BCL7B: variants seen among roughly 807,000 people sequenced by gnomAD.
The protein encoded by BCL7B is BAF chromatin remodeling complex subunit BCL7B.
A neutral mutation model predicts 26.5 loss-of-function variants in BCL7B; 11 were observed. The observed-to-expected ratio is 0.42, with a 90% CI of 0.26 to 0.69. The LOEUF is 0.69. Ranked by LOEUF, BCL7B falls within the 30% of genes least tolerant of loss-of-function variation. BCL7B has a pLI of 0.28. For missense variants in BCL7B, 215 were observed against 264.4 expected, an observed-to-expected ratio of 0.81 and a Z score of 1.30; for synonymous variants, 111 against 107.9, an observed-to-expected ratio of 1.03 and a Z score of -0.18.
At chr7:73,541,616 CG>C (rs1225810703) in intron 3 of BCL7B, among the ~76,000 whole-genome samples, 5 of 151,926 alleles carry the variant, frequency 3.3e-5, no homozygotes, top group Admixed American at 2.0e-4. Context: ...TACAGGCTTG[CG>C]CCACCACGCC....
intron 3 of BCL7B, chr7:73,542,776 G>T: frequency 3.1e-6 from 1 of 323,620 alleles, no homozygotes; most frequent in Non-Finnish European, 6.4e-6. Flanking sequence ...CCTACTCTAA[G>T]CGACTATGAT....
At chr7:73,551,881 G>T (rs1187474530) in intron 2 of BCL7B, among the ~76,000 whole-genome samples, 1 of 150,996 alleles carries the variant, frequency 6.6e-6, no homozygotes, top group Non-Finnish European at 1.5e-5. Context: ...GGGTCACGAG[G>T]TCAGGAGTTC....
At chr7:73,539,683 G>C (rs1791680621) in intron 4 of BCL7B, 199 bp downstream of exon 4, 2 of 600,058 alleles carry the variant, frequency 3.3e-6, no homozygotes, top group East Asian at 5.6e-5. Context: ...ACACAGCCTG[G>C]CACGCAACTC....
chr7:73,552,647 G>A (rs2115818253), intron 1 of BCL7B, among the ~76,000 whole-genome samples: 1 of 152,080 alleles, frequency 6.6e-6, no homozygotes, highest in Non-Finnish European at 1.5e-5. Flanking sequence ...TGGGCGTGGT[G>A]GCGTGTGCCT....
At position 73,557,244 on chromosome 7, in the gene BCL7B, C is replaced by T. The variant is rs1584006636; in HGVS notation, c.92+243G>A. On this transcript the variant is annotated intron_variant, in intron 1 of 5. Transcript: ENST00000223368. ...CGGGCCGGAAGCCGGAATCCCCTCC[C>T]AGGCGGCGCGCGGCAGCAGCCGCAG... The T allele has an allele frequency of 1.7e-5, 19 of 1,101,240 alleles. No individual in the cohort carries two copies. In the East Asian group the frequency reaches 9.8e-4, roughly 57 times the overall value. 68.2% of individuals were successfully genotyped at this position (1,101,240 alleles called of 1,614,324 possible).
At chr7:73,544,326 C>T (rs1791878890) in intron 2 of BCL7B, among the ~76,000 whole-genome samples, 1 of 151,972 alleles carries the variant, frequency 6.6e-6, no homozygotes, top group African/African-American at 2.4e-5. Context: ...GAGGCTGAGG[C>T]AGGAGAATTG....
chr7:73,548,299 G>T (rs1409390571), intron 2 of BCL7B, among the ~76,000 whole-genome samples: 1 of 152,044 alleles, frequency 6.6e-6, no homozygotes, highest in African/African-American at 2.4e-5. Flanking sequence ...CTGGTGGTGT[G>T]TGCCTGTAAT....
chr7:73,550,719 G>A (rs1221257420), intron 2 of BCL7B, among the ~76,000 whole-genome samples: 2 of 150,890 alleles, frequency 1.3e-5, no homozygotes, highest in Non-Finnish European at 2.9e-5. Flanking sequence ...GTGCAGTGGT[G>A]CGATCTCGGC....
At chr7:73,557,013 T>A in intron 1 of BCL7B, 2 of 987,504 alleles carry the variant, frequency 2.0e-6, no homozygotes, top group South Asian at 9.4e-5. Flanking sequence ...CTTGCTCCCT[T>A]GACAGATGGA....
chr7:73,544,671 A>G (rs78312307), intron 2 of BCL7B, among the ~76,000 whole-genome samples: 4,042 of 152,146 alleles, frequency 0.027, 79 homozygotes, highest in Non-Finnish European at 0.043. Context: ...TGATCACCCC[A>G]TGTTTATTTT....
intron 2 of BCL7B, among the ~76,000 whole-genome samples, chr7:73,545,148 TCA>T (rs1678831138): frequency 6.6e-6 from 1 of 152,158 alleles, no homozygotes; most frequent in African/African-American, 2.4e-5. Context: ...ATTTACCAGT[TCA>T]CACTTTTTAT....
chr7:73,555,356 C>T (rs1227716283), intron 1 of BCL7B, among the ~76,000 whole-genome samples: 2 of 149,444 alleles, frequency 1.3e-5, no homozygotes, highest in African/African-American at 2.5e-5. Context: ...GAGCCAAGAT[C>T]GCACCATTGC....
At chr7:73,550,550 A>C (rs1317070303) in intron 2 of BCL7B, among the ~76,000 whole-genome samples, 1 of 139,570 alleles carries the variant, frequency 7.2e-6, no homozygotes, top group African/African-American at 2.5e-5. Context: ...TCTCAAAAAA[A>C]CAAAAAAGCA....
At chr7:73,541,369 C>T (rs1177019728) in intron 3 of BCL7B, among the ~76,000 whole-genome samples, 6 of 152,156 alleles carry the variant, frequency 3.9e-5, no homozygotes, top group South Asian at 2.1e-4. Context: ...TCCAGTCTCA[C>T]GTACCTTAAA....
In BCL7B at chr7:73,543,842, C is replaced by T. The variant is rs149107413; in HGVS notation, c.169-198G>A. 2.6e-3 allele frequency: 1,401 copies of T among 529,360 alleles called. 4 individuals are homozygous for T. The highest frequency in any genetic ancestry group is 3.5e-3 in the Non-Finnish European group (1,023 of 293,902). 32.8% of individuals were successfully genotyped at this position (529,360 alleles called of 1,614,324 possible). A position where few individuals can be genotyped will look rare whatever the true frequency, so the allele number is the denominator to read the frequency against. ...TCTCCTCAAGCCTCAGAAAAATGAACCCTTCCAGCAGGAATACTGTGAATC... is the reference window on the plus strand; with the variant it reads ...TCTCCTCAAGCCTCAGAAAAATGAATCCTTCCAGCAGGAATACTGTGAATC... On this transcript the variant is annotated intron_variant, in intron 2 of 5. Coordinates refer to ENST00000223368, the MANE Select transcript of BCL7B (RefSeq NM_001707.4).
At chr7:73,546,743 A>T (rs1210318046) in intron 2 of BCL7B, among the ~76,000 whole-genome samples, 1 of 152,244 alleles carries the variant, frequency 6.6e-6, no homozygotes, top group Non-Finnish European at 1.5e-5. Context: ...CTCAAATAAA[A>T]ATTAAGTGAA....
intron 4 of BCL7B, among the ~76,000 whole-genome samples, chr7:73,539,127 T>C (rs1415407696): frequency 6.6e-6 from 1 of 150,534 alleles, no homozygotes; most frequent in Non-Finnish European, 1.5e-5. Flanking sequence ...GCCTGGCTAA[T>C]TTTTGTATTT....
At chr7:73,539,846 T>G (rs781978087) in intron 4 of BCL7B, 36 bp downstream of exon 4, 2 of 1,602,458 alleles carry the variant, frequency 1.2e-6, no homozygotes, top group South Asian at 2.2e-5. Flanking sequence ...AGCAAGGCCC[T>G]TCTAGGAAAC....
intron 1 of BCL7B, chr7:73,557,067 G>A (rs1792386992): frequency 1.0e-6 from 1 of 988,348 alleles, no homozygotes; most frequent in South Asian, 4.7e-5. Flanking sequence ...AATACGCAGA[G>A]CGCTCAGCCT....
Sources: allele counts gnomAD v4.1 joint callset (sites outside exome capture counted in the v4.1 genomes callset), GRCh38; gene constraint gnomAD v4.1.1; transcripts MANE v1.5; gene names NCBI Gene and HGNC (gene_info 2026-07-23, HGNC 2026-07-21).